ALK: variants seen among roughly 807,000 people sequenced by gnomAD.
The protein encoded by ALK is ALK tyrosine kinase receptor.
In ALK, 74 loss-of-function variants were observed where a neutral mutation model predicts 163.1. That is an observed-to-expected ratio of 0.45 (90% CI 0.38 to 0.55). The LOEUF (loss-of-function observed/expected upper bound fraction) is 0.55, where lower values mean the gene tolerates loss of function less well. Among genes scored for constraint, ALK ranks in the 20% least tolerant of loss-of-function variants. The pLI is 0.00. For synonymous variants in ALK, 960 were observed against 843.2 expected (o/e 1.14, Z -2.40); for missense variants, 2,063 against 2,105.3 (o/e 0.98, Z 0.39).
intron 1 of ALK, among the ~76,000 whole-genome samples, chr2:29,800,761 A>T (rs1178013744): frequency 6.6e-6 from 1 of 152,166 alleles, no homozygotes; most frequent in African/African-American, 2.4e-5. Context: ...TCCAACCACC[A>T]AGGTAAAACA....
At chr2:29,296,787 G>C in intron 9 of ALK, 101 bp downstream of exon 9, 1 of 1,430,254 alleles carries the variant, frequency 7.0e-7, no homozygotes, top group South Asian at 1.2e-5. Context: ...ACATCTGCAT[G>C]TGTGTCTTGG....
At chr2:29,618,484 T>G (rs1675923682) in intron 3 of ALK, among the ~76,000 whole-genome samples, 1 of 151,916 alleles carries the variant, frequency 6.6e-6, no homozygotes, top group Non-Finnish European at 1.5e-5. Flanking sequence ...CATTTCAATG[T>G]CACTCTGTCC....
At chr2:29,383,581 T>C in intron 5 of ALK, 151 bp downstream of exon 5, 1 of 1,002,754 alleles carries the variant, frequency 1.0e-6, no homozygotes, top group South Asian at 1.4e-5. Flanking sequence ...CCTCCCAAAG[T>C]GCTGGGATTA....
At chr2:29,318,770 G>A (rs1031870051) in intron 7 of ALK, among the ~76,000 whole-genome samples, 3 of 152,062 alleles carry the variant, frequency 2.0e-5, no homozygotes, top group Non-Finnish European at 4.4e-5. Flanking sequence ...GTTTCACTGT[G>A]TTAGCCAGGA....
intron 3 of ALK, among the ~76,000 whole-genome samples, chr2:29,567,202 C>T (rs762684509): frequency 2.0e-5 from 3 of 152,210 alleles, no homozygotes; most frequent in Non-Finnish European, 2.9e-5. Flanking sequence ...GACCAGGTAA[C>T]ACCTTTTGGT....
intron 1 of ALK, among the ~76,000 whole-genome samples, chr2:29,762,696 T>C (rs1331853013): frequency 6.6e-6 from 1 of 152,218 alleles, no homozygotes; most frequent in African/African-American, 2.4e-5. Context: ...TAAGGGAAGC[T>C]TAAGCAACCA....
chr2:29,624,556 G>A (rs1389650075), intron 3 of ALK, among the ~76,000 whole-genome samples: 1 of 152,112 alleles, frequency 6.6e-6, no homozygotes, highest in Non-Finnish European at 1.5e-5. Context: ...AGCCACCACT[G>A]TTGCCTAAAA....
intron 4 of ALK, among the ~76,000 whole-genome samples, chr2:29,433,099 A>G (rs1670318894): frequency 6.6e-6 from 1 of 152,190 alleles, no homozygotes. Context: ...GTGACCAGGC[A>G]AAGTTTAACA....
At chr2:29,758,058 T>C (rs1251793503) in intron 1 of ALK, among the ~76,000 whole-genome samples, 1 of 146,578 alleles carries the variant, frequency 6.8e-6, no homozygotes, top group Non-Finnish European at 1.5e-5. Flanking sequence ...TCATCAAGGC[T>C]GGAGTGTAGT....
chr2:29,791,190 T>C (rs1217052317), intron 1 of ALK, among the ~76,000 whole-genome samples: 5 of 152,206 alleles, frequency 3.3e-5, no homozygotes, highest in South Asian at 4.1e-4. Context: ...CATATGTTTA[T>C]TGCAGCACTT....
rs553652952 is a variant in ALK, at chr2:29,505,382, G to A, written c.1154+26533C>T. 3.9e-5 allele frequency among the ~76,000 whole-genome samples: 6 copies of A among 152,290 alleles called. No individual in the cohort carries two copies. The South Asian group carries it at 8.3e-4, about 21-fold the overall frequency. On this transcript the variant is annotated intron_variant, in intron 4 of 28. Transcript: ENST00000389048. ...AGATGATTGAACTATCTTTGGGGGCGGTGAGCTTCCTGTTACAAGAGAAGT... is the reference window on the plus strand; with the variant it reads ...AGATGATTGAACTATCTTTGGGGGCAGTGAGCTTCCTGTTACAAGAGAAGT...
In ALK at chr2:29,920,032, C is replaced by G. The variant is rs755697363; in HGVS notation, c.628G>C (p.Ala210Pro). 1.9e-6 allele frequency: 3 copies of G among 1,614,014 alleles called. No individual in the cohort carries two copies. Among genetic ancestry groups the G allele is most frequent in the Non-Finnish European group, 2.5e-6 (3 of 1,180,040 alleles). The change falls in exon 1 of 29, where the codon GCC becomes CCC. Residue 210 changes from alanine (A) to proline (P), a missense_variant. Ala to Pro is a conservative substitution (Grantham distance 27). This residue lies in a region of ALK where 987 missense variants were observed against 939.5 expected (regional missense o/e 1.05). Transcript: ENST00000389048. ...TGGAAGAGAAGGCGGGGCTGGGAGG[C>G]GCGAATTGCCGCGGACAGCCTTCCC... is the stretch of plus-strand genomic sequence containing the variant. The part of the protein sequence containing the change: ...REGRLSAAIR[A>P]SQPRLLFQIF...
intron 2 of ALK, among the ~76,000 whole-genome samples, chr2:29,699,782 A>G (rs1678678743): frequency 2.0e-5 from 3 of 152,228 alleles, no homozygotes; most frequent in Admixed American, 2.0e-4. Context: ...TGCCTATCAC[A>G]TATGTGAAAT....
At chr2:29,902,191 C>A (rs1667431824) in intron 1 of ALK, among the ~76,000 whole-genome samples, 1 of 152,132 alleles carries the variant, frequency 6.6e-6, no homozygotes, top group Non-Finnish European at 1.5e-5. Context: ...ATCTCGGCTC[C>A]CCAGGTGCAA....
At chr2:29,864,804 G>T (rs1046508645) in intron 1 of ALK, among the ~76,000 whole-genome samples, 3 of 152,222 alleles carry the variant, frequency 2.0e-5, no homozygotes, top group African/African-American at 7.2e-5. Context: ...GGGAGAGTCT[G>T]CAGTCTGCAA....
Position 29,227,192 on chromosome 2 carries a change from C to T in ALK, c.2915-118G>A. On this transcript the variant is annotated intron_variant, in intron 17 of 28. Transcript: ENST00000389048. This position sits in a 1 kb window ranked among gnomAD's most constrained non-coding sequence, Gnocchi z 4.4. ...TCTGGTGGTCCCTGTTCCTAGGTCCCATAGCCACTGGAAGCACAACTGTGT... is the reference window on the plus strand; with the variant it reads ...TCTGGTGGTCCCTGTTCCTAGGTCCTATAGCCACTGGAAGCACAACTGTGT... 1 of 1,324,306 alleles carries T rather than the reference C, an allele frequency of 7.6e-7. No homozygotes were observed. Among genetic ancestry groups the T allele is most frequent in the Non-Finnish European group, 1.1e-6 (1 of 924,166 alleles). The allele number at this position is 1,324,306 out of a possible 1,614,324, so 82.0% of individuals were successfully genotyped here.
chr2:29,840,164 T>C (rs1665662931), intron 1 of ALK, among the ~76,000 whole-genome samples: 1 of 152,224 alleles, frequency 6.6e-6, no homozygotes, highest in Non-Finnish European at 1.5e-5. Context: ...CCCAGAAATC[T>C]ATCTCTTTCT....
At chr2:29,471,032 ACAG>A (rs2148111102) in intron 4 of ALK, among the ~76,000 whole-genome samples, 1 of 152,318 alleles carries the variant, frequency 6.6e-6, no homozygotes, top group African/African-American at 2.4e-5. Context: ...GTAACCATGA[ACAG>A]CATAGTAAAA....
chr2:29,321,466 A>G (rs148284873), intron 6 of ALK, among the ~76,000 whole-genome samples: 241 of 152,318 alleles, frequency 1.6e-3, no homozygotes, highest in Non-Finnish European at 2.4e-3. Flanking sequence ...TTTCTCTCCC[A>G]ACCCGCTTGC....
Sources: gnomAD v4.1 joint callset for allele counts (sites outside exome capture counted in the v4.1 genomes callset) on GRCh38, gnomAD v4.1.1 for gene constraint, gnomAD v4.1.1 regional missense constraint, Gnocchi (gnomAD v3.1) non-coding constraint, MANE v1.5 for transcripts, NCBI Gene and HGNC (gene_info 2026-07-23, HGNC 2026-07-21) for gene names.